The following INO80 variants were observed in gnomAD, a reference collection of about 807,000 sequenced individuals.
The protein encoded by INO80 is chromatin-remodeling ATPase INO80.
A neutral mutation model predicts 203.4 loss-of-function variants in INO80; 20 were observed. That is an observed-to-expected ratio of 0.10 (90% CI 0.07 to 0.14). The LOEUF is 0.14. Among genes scored for constraint, INO80 ranks in the 10% least tolerant of loss-of-function variants. The pLI is 1.00. For synonymous variants in INO80, 726 were observed against 685.2 expected (o/e 1.06, Z -0.93); for missense variants, 1,419 against 1,914.4 (o/e 0.74, Z 4.83).
intron 3 of INO80, 39 bp downstream of exon 3, chr15:41,095,720 A>AT: frequency 6.2e-7 from 1 of 1,610,614 alleles, no homozygotes; most frequent in Non-Finnish European, 8.5e-7. Context: ...CTGCCCCAAG[A>AT]TAACGATAGT....
chr15:40,980,337 GCTCAAAGGGGAA>G lies in INO80; in HGVS notation c.4545_4556del (p.Ser1516_Ser1519del), dbSNP rs765789429. On this transcript the variant is annotated inframe_deletion, in exon 36 of 36. Coordinates refer to ENST00000648947, the MANE Select transcript of INO80 (RefSeq NM_017553.3). ...GATTCCCAGGAACATTATTTCCCTT[GCTCAAAGGGGAA>G]CTCAAAGGAGAAGAGGCGCTTGAAG... 2 of 1,613,850 alleles carry G rather than the reference GCTCAAAGGGGAA, an allele frequency of 1.2e-6. No homozygotes were observed. Among genetic ancestry groups the G allele is most frequent in the South Asian group, 1.1e-5 (1 of 91,064 alleles).
intron 31 of INO80, among the ~76,000 whole-genome samples, chr15:40,986,541 T>C (rs181863042): frequency 2.3e-4 from 35 of 152,160 alleles, no homozygotes; most frequent in Non-Finnish European, 4.7e-4. Flanking sequence ...GCCAGGCTAG[T>C]CTTGGAACTC....
intron 1 of INO80, among the ~76,000 whole-genome samples, chr15:41,097,336 G>A (rs536408081): frequency 9.9e-5 from 15 of 151,546 alleles, no homozygotes; most frequent in Middle Eastern, 7.1e-3. Context: ...TTGAGCCACC[G>A]CGCCCAGCCT....
intron 18 of INO80, among the ~76,000 whole-genome samples, 168 bp from the exon 19 acceptor site, chr15:41,054,182 AT>A (rs1596296636): frequency 6.6e-6 from 1 of 152,212 alleles, no homozygotes; most frequent in Admixed American, 6.5e-5. Context: ...AGGAATTTTA[AT>A]TTTTTATACC....
At chr15:41,076,949 C>T (rs1311792737) in intron 9 of INO80, among the ~76,000 whole-genome samples, 1 of 151,884 alleles carries the variant, frequency 6.6e-6, no homozygotes, top group Admixed American at 6.6e-5. Context: ...GCTCTCTCAC[C>T]CTGGCTGGAG....
chr15:41,081,181 C>T (rs1219100384), intron 7 of INO80, 108 bp from the exon 8 acceptor site: 1 of 705,434 alleles, frequency 1.4e-6, no homozygotes, highest in Non-Finnish European at 2.4e-6. Context: ...AAATGTCAAG[C>T]CAAGCAAGAT....
chr15:41,085,714 T>G, intron 6 of INO80, 131 bp from the exon 7 acceptor site: 1 of 655,424 alleles, frequency 1.5e-6, no homozygotes, highest in Non-Finnish European at 2.6e-6. Context: ...CTTTATCTAC[T>G]CAGACCCATG....
intron 1 of INO80, among the ~76,000 whole-genome samples, chr15:41,107,100 T>A (rs2045891097): frequency 6.6e-6 from 1 of 152,246 alleles, no homozygotes; most frequent in Non-Finnish European, 1.5e-5. Flanking sequence ...TTTAGCAAGG[T>A]TGTTTCACAC....
chr15:41,095,487 G>A (rs1470451890), intron 4 of INO80, 114 bp downstream of exon 4: 4 of 740,020 alleles, frequency 5.4e-6, no homozygotes, highest in African/African-American at 5.3e-5. Context: ...TCCAGTATAA[G>A]AGAATCATAT....
chr15:40,981,348 T>C (rs540392903), intron 35 of INO80, among the ~76,000 whole-genome samples: 65 of 152,324 alleles, frequency 4.3e-4, no homozygotes, highest in African/African-American at 1.5e-3. Flanking sequence ...GTATATGCAA[T>C]GCCCCAGCCA....
intron 11 of INO80, among the ~76,000 whole-genome samples, chr15:41,072,702 T>C (rs1406963723): frequency 1.3e-5 from 2 of 150,414 alleles, no homozygotes; most frequent in Admixed American, 6.6e-5. Flanking sequence ...AGTTATTACT[T>C]AAGTGAAAGA....
At chr15:41,065,550 TAA>T (rs1205917356) in intron 14 of INO80, among the ~76,000 whole-genome samples, 4 of 151,984 alleles carry the variant, frequency 2.6e-5, no homozygotes, top group Non-Finnish European at 5.9e-5. Flanking sequence ...GTGAAAACAG[TAA>T]AAGTGTTCAA....
intron 29 of INO80, among the ~76,000 whole-genome samples, chr15:40,988,320 A>C (rs557557377): frequency 2.6e-5 from 4 of 152,148 alleles, no homozygotes; most frequent in Non-Finnish European, 5.9e-5. Context: ...CAGAATTATC[A>C]CTGTTATTTG....
At chr15:41,084,197 T>TAA (rs781522112) in intron 7 of INO80, among the ~76,000 whole-genome samples, 8 of 131,964 alleles carry the variant, frequency 6.1e-5, no homozygotes, top group Admixed American at 7.8e-5. Context: ...GCAACTTCTT[T>TAA]AAAAAAAAAA....
In INO80 at chr15:41,076,988, ACCT is replaced by A. The variant is rs199858174; in HGVS notation, c.1132-2426_1132-2424del. ...AGTGGTGCAATCTCGGCTCACTGCA[ACCT>A]CCATCTCCCCGGTTCAAGCGATTCT... On this transcript the variant is annotated intron_variant, in intron 9 of 35. Coordinates refer to ENST00000648947, the MANE Select transcript of INO80 (RefSeq NM_017553.3). Among the ~76,000 whole-genome samples the A allele has an allele frequency of 8.2e-3, 1,247 of 151,938 alleles. 20 individuals are homozygous for A. Among genetic ancestry groups the A allele is most frequent in the African/African-American group, 0.027 (1,123 of 41,436 alleles).
chr15:41,033,599 G>A (rs1028907475), intron 24 of INO80, among the ~76,000 whole-genome samples: 1 of 152,136 alleles, frequency 6.6e-6, no homozygotes. Context: ...CGAAAGTTCT[G>A]ACCCAAATCT....
intron 21 of INO80, among the ~76,000 whole-genome samples, chr15:41,049,080 A>G (rs2044818184): frequency 6.6e-6 from 1 of 152,242 alleles, no homozygotes; most frequent in African/African-American, 2.4e-5. Context: ...AAGAACCAGA[A>G]GTGACTAGGG....
At chr15:41,067,261 G>C (rs2045237497) in intron 14 of INO80, among the ~76,000 whole-genome samples, 1 of 151,978 alleles carries the variant, frequency 6.6e-6, no homozygotes, top group Non-Finnish European at 1.5e-5. Context: ...ATTTTTAGTA[G>C]AGACAGGGTT....
intron 24 of INO80, among the ~76,000 whole-genome samples, chr15:41,031,763 T>C (rs1277935119): frequency 1.3e-5 from 2 of 151,992 alleles, no homozygotes; most frequent in Non-Finnish European, 2.9e-5. Flanking sequence ...CCGGAAGCAC[T>C]GGCAGATGTG....
Sources: allele counts gnomAD v4.1 joint callset (sites outside exome capture counted in the v4.1 genomes callset), GRCh38; gene constraint gnomAD v4.1.1; transcripts MANE v1.5; gene names NCBI Gene and HGNC (gene_info 2026-07-23, HGNC 2026-07-21).